Variants in PIP4K2A observed in about 807,000 individuals in gnomAD.
PIP4K2A encodes phosphatidylinositol-5-phosphate 4-kinase type 2 alpha, also known as phosphatidylinositol 5-phosphate 4-kinase type-2 alpha.
In PIP4K2A, 14 loss-of-function variants were observed where a neutral mutation model predicts 42.9. That is an observed-to-expected ratio of 0.33 (90% CI 0.22 to 0.51). The LOEUF is 0.51. Ranked by LOEUF, PIP4K2A falls within the 20% of genes least tolerant of loss-of-function variation. The pLI, the probability that PIP4K2A is intolerant of heterozygous loss-of-function variation, is 0.97. For synonymous variants in PIP4K2A, 192 were observed against 192.2 expected (o/e 1.00, Z 0.01); for missense variants, 434 against 519.8 (o/e 0.83, Z 1.61).
intron 1 of PIP4K2A, among the ~76,000 whole-genome samples, chr10:22,706,615 A>G (rs1470473103): frequency 6.6e-6 from 1 of 152,196 alleles, no homozygotes; most frequent in Non-Finnish European, 1.5e-5. Flanking sequence ...GTTATGCACA[A>G]TTTGAGAGCA....
At chr10:22,573,188 T>C in intron 5 of PIP4K2A, 123 bp downstream of exon 5, 2 of 828,076 alleles carry the variant, frequency 2.4e-6, no homozygotes, top group South Asian at 1.6e-5. Flanking sequence ...AATACACTGC[T>C]ACTTGTCTGG....
intron 9 of PIP4K2A, among the ~76,000 whole-genome samples, chr10:22,538,460 G>T (rs914758840): frequency 2.6e-5 from 4 of 152,168 alleles, no homozygotes; most frequent in Non-Finnish European, 5.9e-5. Flanking sequence ...GACAACTCTT[G>T]TATCTCTGGC....
intron 1 of PIP4K2A, among the ~76,000 whole-genome samples, chr10:22,643,315 G>A (rs1838817281): frequency 6.6e-6 from 1 of 152,188 alleles, no homozygotes; most frequent in East Asian, 1.9e-4. Context: ...CCATTGATTT[G>A]TGTTATCTAT....
chr10:22,688,834 G>A (rs1385226382), intron 1 of PIP4K2A, among the ~76,000 whole-genome samples: 2 of 152,106 alleles, frequency 1.3e-5, no homozygotes, highest in Non-Finnish European at 2.9e-5. Context: ...GGTACAATTA[G>A]TGGTTTATTA....
intron 5 of PIP4K2A, chr10:22,568,928 C>T: frequency 9.2e-7 from 1 of 1,090,282 alleles, no homozygotes. Flanking sequence ...TGAGGTCAGC[C>T]AAGCCACTTG....
At chr10:22,544,278 T>C (rs1486730989) in intron 7 of PIP4K2A, among the ~76,000 whole-genome samples, 1 of 151,794 alleles carries the variant, frequency 6.6e-6, no homozygotes, top group East Asian at 1.9e-4. Flanking sequence ...AAATACTGCA[T>C]TGTAAGTACC....
At chr10:22,711,588 C>T (rs76974825) in intron 1 of PIP4K2A, among the ~76,000 whole-genome samples, 25,646 of 152,174 alleles carry the variant, frequency 0.17, 2,755 homozygotes, top group Middle Eastern at 0.28. Context: ...AAAACCTGAC[C>T]TTAACATGCC....
At chr10:22,542,453 C>G (rs1465861059) in intron 7 of PIP4K2A, among the ~76,000 whole-genome samples, 1 of 152,188 alleles carries the variant, frequency 6.6e-6, no homozygotes, top group Non-Finnish European at 1.5e-5. Context: ...CCAGCGGAGT[C>G]TCTGGTGGTA....
intron 1 of PIP4K2A, among the ~76,000 whole-genome samples, chr10:22,711,289 G>C (rs45537939): frequency 0.023 from 3,468 of 152,180 alleles, 57 homozygotes; most frequent in Non-Finnish European, 0.034. Context: ...CAATCAAATC[G>C]ACTTTGGCTT....
chr10:22,684,393 T>C (rs368835752), intron 1 of PIP4K2A, among the ~76,000 whole-genome samples: 2 of 152,230 alleles, frequency 1.3e-5, no homozygotes, highest in Non-Finnish European at 2.9e-5. Context: ...GAAAGTTGTT[T>C]AAAAAACTTT....
At chr10:22,649,742 A>G (rs1445643128) in intron 1 of PIP4K2A, among the ~76,000 whole-genome samples, 1 of 152,212 alleles carries the variant, frequency 6.6e-6, no homozygotes, top group Admixed American at 6.5e-5. Flanking sequence ...AGATTTACTC[A>G]GTAAGAGGGA....
At chr10:22,593,658 C>T (rs1394058122) in intron 3 of PIP4K2A, among the ~76,000 whole-genome samples, 7 of 152,180 alleles carry the variant, frequency 4.6e-5, no homozygotes, top group African/African-American at 1.4e-4. Flanking sequence ...AGTGGTCTTA[C>T]TTTTTTCTTG....
intron 1 of PIP4K2A, among the ~76,000 whole-genome samples, chr10:22,660,328 G>A (rs565736312): frequency 3.3e-5 from 5 of 152,140 alleles, no homozygotes; most frequent in Admixed American, 1.3e-4. Flanking sequence ...AAAATTAGCC[G>A]GGTGTGGAAG....
At chr10:22,539,924 A>AGAGAGAGAGAGG (rs1554792201) in intron 9 of PIP4K2A, 47 bp downstream of exon 9, 63 of 950,260 alleles carry the variant, frequency 6.6e-5, no homozygotes, top group African/African-American at 6.6e-4. Context: ...AGAGAGAGAG[A>AGAGAGAGAGAGG]GAGAGAGGGA....
intron 1 of PIP4K2A, among the ~76,000 whole-genome samples, chr10:22,682,030 T>C (rs927639145): frequency 4.6e-5 from 7 of 152,170 alleles, no homozygotes; most frequent in Non-Finnish European, 1.0e-4. Context: ...AAAACTATCC[T>C]TAGTTCGTGG....
chr10:22,535,999 G>A lies in PIP4K2A; in HGVS notation c.*1202C>T, dbSNP rs1385595436. 1.8e-5 allele frequency: 7 copies of A among 396,950 alleles called. No homozygotes were observed. The highest frequency in any genetic ancestry group is 4.1e-5 in the African/African-American group (2 of 48,574). 24.6% of individuals were successfully genotyped at this position (396,950 alleles called of 1,614,324 possible). On this transcript the variant is annotated 3_prime_UTR_variant, in exon 10 of 10. Transcript: ENST00000376573. ...GGATACGTCTCAAAATATGACAAAC[G>A]TTATTTCACCTATACTGTGACTTTA...
At position 22,646,953 on chromosome 10, in the gene PIP4K2A, CAAAACAAAAA is replaced by C. The variant is rs1238940335; in HGVS notation, c.145-37246_145-37237del. Among the ~76,000 whole-genome samples the C allele has an allele frequency of 2.7e-5, 4 of 150,042 alleles. No individual in the cohort carries two copies. In the East Asian group the frequency reaches 7.8e-4, roughly 29 times the overall value. ...AAACAAAAAACAAAACAAAACAAAA[CAAAACAAAAA>C]AAAACAAACCAGGATGCAAGCTGAC... is the stretch of plus-strand genomic sequence containing the variant. On this transcript the variant is annotated intron_variant, in intron 1 of 9. Transcript: ENST00000376573.
intron 4 of PIP4K2A, among the ~76,000 whole-genome samples, chr10:22,575,937 C>CA (rs557440119): frequency 2.3e-3 from 311 of 135,214 alleles, no homozygotes; most frequent in South Asian, 5.6e-3. Context: ...GACGCCATCT[C>CA]AAAAAAAAAA....
rs540455435 is a variant in PIP4K2A at position 22,668,807 on chromosome 10, T to C, written c.144+45376A>G. On this transcript the variant is annotated intron_variant, in intron 1 of 9. Coordinates refer to ENST00000376573, the MANE Select transcript of PIP4K2A (RefSeq NM_005028.5). ...CGAATGGGAATTTATATAAGAAACA[T>C]GTACTTCTCTTGAAGCCTGATGCTT... Among the ~76,000 whole-genome samples the C allele has an allele frequency of 2.6e-5, 4 of 152,290 alleles. No homozygotes were observed. The South Asian group carries it at 6.2e-4, about 24-fold the overall frequency.
Sources: allele counts gnomAD v4.1 joint callset (sites outside exome capture counted in the v4.1 genomes callset), GRCh38; gene constraint gnomAD v4.1.1; transcripts MANE v1.5; gene names NCBI Gene and HGNC (gene_info 2026-07-23, HGNC 2026-07-21).